Variants in PRKX observed in about 807,000 individuals in gnomAD.
The protein encoded by PRKX is cAMP-dependent protein kinase catalytic subunit PRKX.
PRKX carries 12 observed loss-of-function variants against 22.0 expected under a neutral mutation model. The observed-to-expected ratio is 0.54, with a 90% CI of 0.35 to 0.88. The LOEUF (loss-of-function observed/expected upper bound fraction) is 0.88. PRKX is among the 40% of genes least tolerant of loss of function. The pLI is 0.01. For synonymous variants in PRKX, 134 were observed against 137.7 expected (o/e 0.97, Z 0.19); for missense variants, 217 against 308.0 (o/e 0.70, Z 2.21).
At chrX:3,650,756 G>A (rs1927311123) in intron 3 of PRKX, among the ~76,000 whole-genome samples, 1 of 106,500 alleles carries the variant, frequency 9.4e-6, no homozygotes, top group African/African-American at 3.4e-5. Context: ...GTACATGCCT[G>A]TAATCCCAGC....
At chrX:3,630,908 A>T (rs1365978447) in intron 4 of PRKX, among the ~76,000 whole-genome samples, 1 of 111,890 alleles carries the variant, frequency 8.9e-6, no homozygotes, top group Admixed American at 9.5e-5. Flanking sequence ...TCAACCAGTA[A>T]GTGTATACTA....
intron 3 of PRKX, among the ~76,000 whole-genome samples, chrX:3,642,204 C>T (rs1927092858): frequency 9.0e-6 from 1 of 110,985 alleles, no homozygotes; most frequent in Non-Finnish European, 1.9e-5. Flanking sequence ...ATCATCCTTG[C>T]TCCTGTTGCT....
intron 2 of PRKX, among the ~76,000 whole-genome samples, chrX:3,670,859 CT>C (rs1168189761): frequency 9.0e-6 from 1 of 111,200 alleles, no homozygotes; most frequent in Non-Finnish European, 1.9e-5. Flanking sequence ...AACTCATTTT[CT>C]GTCATTTTTT....
chrX:3,705,024 G>A (rs1389800940), intron 1 of PRKX, among the ~76,000 whole-genome samples: 22 of 111,896 alleles, frequency 2.0e-4, no homozygotes, highest in Non-Finnish European at 4.0e-4. Context: ...ATAGACCAGC[G>A]CATTGCAGCT....
At chrX:3,679,350 G>T (rs1404926264) in intron 1 of PRKX, among the ~76,000 whole-genome samples, 1 of 112,488 alleles carries the variant, frequency 8.9e-6, no homozygotes, top group East Asian at 2.8e-4. Context: ...ATTTGTTTAG[G>T]ATAGCAGCCT....
chrX:3,619,490 G>C (rs1926509913), intron 6 of PRKX, among the ~76,000 whole-genome samples: 1 of 111,991 alleles, frequency 8.9e-6, no homozygotes, highest in Non-Finnish European at 1.9e-5. Flanking sequence ...CTTGAGAAGA[G>C]ATAATCCTGC....
chrX:3,641,121 C>T (rs1569047523), intron 4 of PRKX, among the ~76,000 whole-genome samples: 1 of 111,828 alleles, frequency 8.9e-6, no homozygotes. Flanking sequence ...GCTGCTCTGC[C>T]TAAGGAGTAA....
intron 6 of PRKX, among the ~76,000 whole-genome samples, chrX:3,617,431 C>G (rs1028862823): frequency 2.3e-4 from 25 of 109,445 alleles, no homozygotes; most frequent in African/African-American, 8.3e-4. Flanking sequence ...ACTGCTTGAA[C>G]CCAGGAGTTT....
At chrX:3,639,767 C>A (rs1927029623) in intron 4 of PRKX, among the ~76,000 whole-genome samples, 1 of 110,925 alleles carries the variant, frequency 9.0e-6, no homozygotes, top group Non-Finnish European at 1.9e-5. Context: ...TGTTCAACAT[C>A]GTTCTGATCC....
intron 1 of PRKX, among the ~76,000 whole-genome samples, chrX:3,705,255 T>C (rs1928658803): frequency 9.0e-6 from 1 of 111,451 alleles, no homozygotes; most frequent in African/African-American, 3.3e-5. Flanking sequence ...TGTCCTCATA[T>C]AGTGGAAGGG....
At chrX:3,678,598 T>C (rs1928010598) in intron 1 of PRKX, among the ~76,000 whole-genome samples, 1 of 112,289 alleles carries the variant, frequency 8.9e-6, no homozygotes, top group South Asian at 3.7e-4. Context: ...TGCGCTACCC[T>C]GGGAGATATT....
At chrX:3,675,243 T>C (rs1927928394) in intron 1 of PRKX, among the ~76,000 whole-genome samples, 1 of 111,813 alleles carries the variant, frequency 8.9e-6, no homozygotes. Context: ...GGCTGTTTCC[T>C]TAACGCACAT....
intron 2 of PRKX, among the ~76,000 whole-genome samples, chrX:3,660,127 G>A (rs1348923339): frequency 8.9e-6 from 1 of 112,140 alleles, no homozygotes; most frequent in Non-Finnish European, 1.9e-5. Context: ...TACTTTTGTG[G>A]ATGAGCTTAG....
chrX:3,613,640 T>C (rs750064318), intron 7 of PRKX, among the ~76,000 whole-genome samples: 61 of 107,281 alleles, frequency 5.7e-4, no homozygotes, highest in Non-Finnish European at 8.1e-4. Context: ...AGGTCATGAG[T>C]TCGAAACCAG....
intron 2 of PRKX, among the ~76,000 whole-genome samples, chrX:3,671,976 T>C (rs1228289317): frequency 9.0e-6 from 1 of 111,544 alleles, no homozygotes; most frequent in African/African-American, 3.3e-5. Context: ...AACAAAAACA[T>C]TATCTTCACC....
chrX:3,630,285 C>T (rs12851469), intron 4 of PRKX, among the ~76,000 whole-genome samples: 33,684 of 111,412 alleles, frequency 0.3, 3,746 homozygotes, highest in Non-Finnish European at 0.34. Flanking sequence ...TTAGGCCAGG[C>T]GCGGTGGCTC....
intron 5 of PRKX, among the ~76,000 whole-genome samples, chrX:3,622,088 G>A (rs1197987064): frequency 2.7e-5 from 3 of 110,878 alleles, no homozygotes; most frequent in Non-Finnish European, 3.8e-5. Flanking sequence ...AGGTTGCAGT[G>A]AGCTGAGACT....
intron 4 of PRKX, among the ~76,000 whole-genome samples, chrX:3,637,763 CTTT>C: frequency 1.0e-5 from 1 of 98,205 alleles, no homozygotes; most frequent in Admixed American, 1.2e-4. Flanking sequence ...CATTTTCTTT[CTTT>C]TTTTTTTTTT....
At chrX:3,656,733 C>T (rs1927489203) in intron 2 of PRKX, among the ~76,000 whole-genome samples, 1 of 111,974 alleles carries the variant, frequency 8.9e-6, no homozygotes, top group Non-Finnish European at 1.9e-5. Context: ...TATAGATGGA[C>T]ATTAAAGTAC....
Sources: allele counts gnomAD v4.1 joint callset (sites outside exome capture counted in the v4.1 genomes callset), GRCh38; gene constraint gnomAD v4.1.1; transcripts MANE v1.5; gene names NCBI Gene and HGNC (gene_info 2026-07-23, HGNC 2026-07-21).